Variants in FRYL observed in about 807,000 individuals in gnomAD.
FRYL encodes the protein protein furry homolog-like.
Under a neutral mutation model 351.2 loss-of-function variants are expected in FRYL, and 150 were observed. The ratio of observed to expected loss-of-function variants is 0.43; its 90% CI spans 0.37 to 0.49. FRYL has a LOEUF of 0.49. Ranked by LOEUF, FRYL falls within the 20% of genes least tolerant of loss-of-function variation. The pLI, the probability that FRYL is intolerant of heterozygous loss-of-function variation, is 0.00. For synonymous variants in FRYL, 1,153 were observed against 1,257.1 expected (o/e 0.92, Z 1.75); for missense variants, 3,036 against 3,619.3 (o/e 0.84, Z 4.13).
At chr4:48,597,605 C>G (rs1744858495) in intron 13 of FRYL, among the ~76,000 whole-genome samples, 2 of 152,054 alleles carry the variant, frequency 1.3e-5, no homozygotes, top group African/African-American at 4.8e-5. Flanking sequence ...AAATAAGTCC[C>G]ATTAGTTTTT....
At chr4:48,621,203 A>G (rs906839037) in intron 5 of FRYL, among the ~76,000 whole-genome samples, 26 of 152,252 alleles carry the variant, frequency 1.7e-4, no homozygotes, top group Admixed American at 6.5e-5. Flanking sequence ...ACAGAAACAA[A>G]GACTACATTA....
intron 40 of FRYL, 59 bp downstream of exon 40, chr4:48,548,631 C>G (rs1009772273): frequency 1.0e-6 from 1 of 954,674 alleles, no homozygotes; most frequent in African/African-American, 1.7e-5. Flanking sequence ...TAAAACCATA[C>G]TGCTTTTAAA....
intron 30 of FRYL, among the ~76,000 whole-genome samples, chr4:48,564,707 C>G (rs1197037092): frequency 6.6e-6 from 1 of 152,042 alleles, no homozygotes; most frequent in African/African-American, 2.4e-5. Flanking sequence ...CTGTATTAAT[C>G]CTATAATATA....
chr4:48,552,346 C>A (rs932338531), intron 36 of FRYL, among the ~76,000 whole-genome samples: 2 of 151,198 alleles, frequency 1.3e-5, no homozygotes, highest in African/African-American at 4.9e-5. Context: ...TCTGATAAAT[C>A]TAGGAGAAAA....
Position 48,549,644 on chromosome 4 carries a change from C to A in FRYL, c.4634-21G>T. 3 of 1,594,312 alleles carry A rather than the reference C, an allele frequency of 1.9e-6. No individual in the cohort carries two copies. The highest frequency in any genetic ancestry group is 2.3e-5 in the South Asian group (2 of 88,274). ...ATCACCTATCAAGATAAAATGATCT[C>A]ATTTTCTACACCATCTAATTTCTGC... On this transcript the variant is annotated intron_variant, in intron 38 of 63. Coordinates refer to ENST00000358350, the MANE Select transcript of FRYL (RefSeq NM_015030.2). This position sits in a 1 kb window ranked among gnomAD's most constrained non-coding sequence, Gnocchi z 4.2.
chr4:48,630,728 CTTCTT>C (rs1752806228), intron 4 of FRYL, among the ~76,000 whole-genome samples: 1 of 152,126 alleles, frequency 6.6e-6, no homozygotes, highest in African/African-American at 2.4e-5. Context: ...CTTCCTTAAT[CTTCTT>C]TTATTATGGT....
chr4:48,535,614 C>CAT (rs56352864), intron 48 of FRYL, 43 bp downstream of exon 48: 124 of 980,856 alleles, frequency 1.3e-4, no homozygotes, highest in South Asian at 4.2e-4. Context: ...CACACACACA[C>CAT]ATATATATAT....
chr4:48,558,008 C>CTGG (rs1734514066), intron 33 of FRYL, among the ~76,000 whole-genome samples: 3 of 152,028 alleles, frequency 2.0e-5, no homozygotes, highest in Non-Finnish European at 4.4e-5. Flanking sequence ...TATGATGGTT[C>CTGG]CTCAAAAAAA....
chr4:48,535,800 G>C lies in FRYL; in HGVS notation c.6421C>G (p.Leu2141Val). The change falls in exon 48 of 64, where the codon CTT becomes GTT. Residue 2141 changes from leucine to valine, a missense_variant. Around this residue, in one of 7 missense-constraint regions of FRYL, gnomAD observed 1,987 missense variants for 2,311.7 expected, o/e 0.86. Transcript: ENST00000358350. ...KVCAEEKCPT[L>V]VNLAHMMSLY... ...CTCATCATGTGTGCCAGATTGACAA[G>C]TGTTGGGCATTTTTCTTCTGCACAA... 1.3e-6 allele frequency: 2 copies of C among 1,550,842 alleles called. No individual in the cohort carries two copies. Among genetic ancestry groups the C allele is most frequent in the Non-Finnish European group, 1.7e-6 (2 of 1,146,232 alleles).
chr4:48,573,293 T>C (rs761840760), intron 25 of FRYL, 50 bp from the exon 26 acceptor site: 14 of 1,203,640 alleles, frequency 1.2e-5, no homozygotes, highest in East Asian at 4.7e-5. Context: ...AGATATAATC[T>C]GACACAGGTA....
chr4:48,538,047 AT>A (rs1348610460), intron 47 of FRYL, among the ~76,000 whole-genome samples: 22 of 152,220 alleles, frequency 1.4e-4, no homozygotes, highest in African/African-American at 5.1e-4. Context: ...AATGAAAGTT[AT>A]TTTAATAAAT....
At chr4:48,525,297 T>C (rs1381832188) in intron 53 of FRYL, among the ~76,000 whole-genome samples, 1 of 151,998 alleles carries the variant, frequency 6.6e-6, no homozygotes, top group Admixed American at 6.6e-5. Flanking sequence ...ATACCTGTTC[T>C]TGAGTTCCTA....
chr4:48,689,689 G>A (rs1366158831), intron 2 of FRYL, among the ~76,000 whole-genome samples: 1 of 152,118 alleles, frequency 6.6e-6, no homozygotes, highest in African/African-American at 2.4e-5. Context: ...CATTCCAGTG[G>A]GAGCTTAAGC....
chr4:48,707,909 C>A (rs1767546146), intron 2 of FRYL, among the ~76,000 whole-genome samples: 1 of 151,650 alleles, frequency 6.6e-6, no homozygotes, highest in African/African-American at 2.4e-5. Context: ...CAACCTCCGC[C>A]TCCTGGGTTC....
chr4:48,632,079 A>T (rs1753117817), intron 4 of FRYL, among the ~76,000 whole-genome samples: 9 of 32,592 alleles, frequency 2.8e-4, no homozygotes, highest in Admixed American at 6.2e-4. Context: ...AAAAAAAAAA[A>T]AAAAAAAAAA....
chr4:48,776,997 T>C (rs1776089029), intron 1 of FRYL, among the ~76,000 whole-genome samples: 1 of 152,076 alleles, frequency 6.6e-6, no homozygotes. Flanking sequence ...TTGCATCTTC[T>C]CATTAAACTG....
chr4:48,776,135 T>C (rs7657332), intron 1 of FRYL, among the ~76,000 whole-genome samples: 61,984 of 149,080 alleles, frequency 0.42, 14,088 homozygotes, highest in Admixed American at 0.56. Flanking sequence ...AGCAGTGTTA[T>C]GTGACACTTT....
intron 18 of FRYL, 82 bp downstream of exon 18, chr4:48,589,663 T>C: frequency 1.5e-6 from 2 of 1,329,128 alleles, no homozygotes; most frequent in African/African-American, 1.5e-5. Flanking sequence ...AAAGACCAAG[T>C]AAGGAGACAG....
intron 21 of FRYL, among the ~76,000 whole-genome samples, 147 bp downstream of exon 21, chr4:48,581,265 CTGATCTCG>C (rs1740840956): frequency 3.9e-5 from 6 of 152,080 alleles, no homozygotes; most frequent in Admixed American, 3.9e-4. Flanking sequence ...TCTCGATCTC[CTGATCTCG>C]TGATCCGCCC....
Sources: allele counts gnomAD v4.1 joint callset (sites outside exome capture counted in the v4.1 genomes callset), GRCh38; gene constraint gnomAD v4.1.1; regional missense constraint gnomAD v4.1.1; non-coding constraint Gnocchi (gnomAD v3.1); transcripts MANE v1.5; gene names NCBI Gene and HGNC (gene_info 2026-07-23, HGNC 2026-07-21).